Variants in ADGRE5 observed in about 807,000 individuals in gnomAD.
ADGRE5 encodes the protein CD97 molecule.
ADGRE5 carries 72 observed loss-of-function variants against 100.3 expected under a neutral mutation model. That is an observed-to-expected ratio of 0.72 (90% confidence interval 0.59 to 0.87). ADGRE5 has a LOEUF of 0.87. Ranked by LOEUF, ADGRE5 falls within the 40% of genes least tolerant of loss-of-function variation. The pLI, the probability that ADGRE5 is intolerant of heterozygous loss-of-function variation, is 0.00. For missense variants in ADGRE5, 959 were observed against 1,094.7 expected, an observed-to-expected ratio of 0.88 and a Z score of 1.75; for synonymous variants, 439 against 447.8, an observed-to-expected ratio of 0.98 and a Z score of 0.25.
chr19:14,383,783 C>T (rs1444723737), intron 1 of ADGRE5, among the ~76,000 whole-genome samples: 2 of 151,912 alleles, frequency 1.3e-5, no homozygotes, highest in Non-Finnish European at 1.5e-5. Flanking sequence ...GCCCTGTAGC[C>T]TCACGGTGGG....
At position 14,401,008 on chromosome 19, in the gene ADGRE5, C is replaced by T. The variant is rs555244670; in HGVS notation, c.898-378C>T. On this transcript the variant is annotated intron_variant, in intron 9 of 19. Coordinates refer to ENST00000242786, the MANE Select transcript of ADGRE5 (RefSeq NM_078481.4). This position sits in a 1 kb window ranked among gnomAD's most constrained non-coding sequence, Gnocchi z 4.1. ...GTGTGGTGGCACGCTTCTGTAGTCC[C>T]AGCTACTCAGAAAGCTGAGGTGGGA... Among the ~76,000 whole-genome samples, 24 of 152,066 alleles carry T rather than the reference C, an allele frequency of 1.6e-4. No individual in the cohort carries two copies. The East Asian group carries it at 3.7e-3, about 23-fold the overall frequency.
chr19:14,396,977 C>T, intron 5 of ADGRE5, 100 bp from the exon 6 acceptor site: 2 of 1,372,330 alleles, frequency 1.5e-6, no homozygotes, highest in African/African-American at 1.4e-5. Flanking sequence ...TAATGGTCTT[C>T]AGTCTGAGGC....
chr19:14,396,521 G>A lies in ADGRE5; in HGVS notation c.478+48G>A, dbSNP rs577500569. The A allele has an allele frequency of 2.4e-5, 39 of 1,611,302 alleles. 1 individual carries two copies. In the South Asian group the frequency reaches 3.3e-4, roughly 14 times the overall value. On this transcript the variant is annotated intron_variant, in intron 5 of 19. Transcript: ENST00000242786. ...GTGAGGCTGGACGGGAGCTGGGGAT[G>A]GAGCTGAGGCACGTCCTCCAAAGCA...
chr19:14,407,679 C>G (rs1328009301), intron 18 of ADGRE5, among the ~76,000 whole-genome samples: 1 of 151,098 alleles, frequency 6.6e-6, no homozygotes, highest in African/African-American at 2.4e-5. Flanking sequence ...ATACCCATCT[C>G]AGCTTCTCAG....
chr19:14,387,183 A>G (rs780210410), intron 1 of ADGRE5, among the ~76,000 whole-genome samples: 3 of 152,120 alleles, frequency 2.0e-5, no homozygotes, highest in African/African-American at 7.2e-5. Context: ...AGAGAGGCCC[A>G]CTGTCTGGGA....
chr19:14,396,980 T>C, intron 5 of ADGRE5, 97 bp from the exon 6 acceptor site: 5 of 1,390,070 alleles, frequency 3.6e-6, no homozygotes, highest in Non-Finnish European at 4.9e-6. Context: ...TGGTCTTCAG[T>C]CTGAGGCAAT....
rs757364423 is a variant in ADGRE5 at position 14,397,227 on chromosome 19, G to C, written c.625+4G>C. 6.2e-7 allele frequency: 1 copy of C among 1,613,822 alleles called. No individual in the cohort carries two copies. Among genetic ancestry groups the C allele is most frequent in the African/African-American group, 1.3e-5 (1 of 74,862 alleles). On this transcript the variant is annotated splice_donor_region_variant and intron_variant, in intron 6 of 19. Transcript: ENST00000242786. Reference sequence around the variant, plus strand: ...CCAAACAATACCGTCTGTGAAGGTCGAGAGCTCAGATCCCACGTTTCTAGC... The same window carrying C: ...CCAAACAATACCGTCTGTGAAGGTCCAGAGCTCAGATCCCACGTTTCTAGC...
intron 3 of ADGRE5, among the ~76,000 whole-genome samples, chr19:14,390,681 C>G (rs754980648): frequency 2.0e-5 from 3 of 152,154 alleles, no homozygotes; most frequent in Non-Finnish European, 4.4e-5. Context: ...AGCTTCCTGT[C>G]CATCCCTCAC....
chr19:14,408,161 A>G lies in ADGRE5; in HGVS notation c.*40A>G. ...GGACGGCCCAGCAGCTCCTGTGGCC[A>G]CAGCAGCTTTGTACACGAAGACCAT... On this transcript the variant is annotated 3_prime_UTR_variant, in exon 20 of 20. Coordinates refer to ENST00000242786, the MANE Select transcript of ADGRE5 (RefSeq NM_078481.4). 6.2e-7 allele frequency: 1 copy of G among 1,608,590 alleles called. No individual in the cohort carries two copies. Among genetic ancestry groups the G allele is most frequent in the Non-Finnish European group, 8.5e-7 (1 of 1,177,210 alleles).
chr19:14,385,262 T>G (rs1430843184), intron 1 of ADGRE5, among the ~76,000 whole-genome samples: 1 of 152,110 alleles, frequency 6.6e-6, no homozygotes, highest in Non-Finnish European at 1.5e-5. Context: ...TCCATCTGCC[T>G]CGGCCTCCCA....
rs113243506 is a variant in ADGRE5 at position 14,405,873 on chromosome 19, C to T, written c.1755C>T (p.His585=). The change falls in exon 14 of 20, where the codon CAC becomes CAT. Residue 585 remains histidine, a synonymous_variant. Coordinates refer to ENST00000242786, the MANE Select transcript of ADGRE5 (RefSeq NM_078481.4). The stretch of plus-strand genomic sequence containing the variant: ...GCTCGCGCACCACCATACACCTGCA[C>T]CTCTGCATCTGCCTCTTCGTGGGCT... ...IQGSRTTIHL[H]LCICLFVGST... 2.5e-4 allele frequency: 401 copies of T among 1,612,792 alleles called. 6 individuals are homozygous for T. The African/African-American group carries it at 4.4e-3, about 18-fold the overall frequency.
chr19:14,406,873 A>G lies in ADGRE5; in HGVS notation c.2120A>G (p.Asn707Ser), dbSNP rs1186495279. Reference protein sequence around the residue: ...LGPVTFIILCNAVIFVTTVWK... With the variant: ...LGPVTFIILCSAVIFVTTVWK... Reference sequence around the variant, plus strand: ...CACAATCTGCTCCCTGCCCAGTGCAATGCTGTCATTTTCGTGACTACCGTC... The same window carrying G: ...CACAATCTGCTCCCTGCCCAGTGCAGTGCTGTCATTTTCGTGACTACCGTC... Residue 707 changes from asparagine to serine, a missense_variant, in exon 17 of 20, where the codon AAT becomes AGT. Asn to Ser is a conservative substitution (Grantham distance 46). Around this residue, in one of 6 missense-constraint regions of ADGRE5, gnomAD observed 428 missense variants for 386.2 expected, o/e 1.11. Transcript: ENST00000242786. This position sits in a 1 kb window ranked among gnomAD's most constrained non-coding sequence, Gnocchi z 6.0. The G allele has an allele frequency of 6.2e-7, 1 of 1,614,096 alleles. No homozygotes were observed. The highest frequency in any genetic ancestry group is 8.5e-7 in the Non-Finnish European group (1 of 1,179,910).
chr19:14,399,742 TAA>T (rs201012165), intron 9 of ADGRE5, among the ~76,000 whole-genome samples: 78 of 140,616 alleles, frequency 5.5e-4, no homozygotes, highest in African/African-American at 1.8e-3. Flanking sequence ...GATTTTGTCT[TAA>T]AAAAAAAAAA....
rs1408927817 is a variant in ADGRE5, at chr19:14,404,387, T to A, written c.1454T>A (p.Val485Glu). ...EAGRDPPAKD[V>E]MPGPRQELLC... ...ACCACCCCCATCTGCCCACAGGACG[T>A]GATGCCTGGGCCACGGCAGGAGCTG... is the stretch of plus-strand genomic sequence containing the variant. The change falls in exon 13 of 20, where the codon GTG (valine) becomes GAG (glutamate). Residue 485 changes from valine (V) to glutamate (E), a missense_variant. Transcript: ENST00000242786. The A allele has an allele frequency of 6.2e-7, 1 of 1,608,494 alleles. No individual in the cohort carries two copies. The highest frequency in any genetic ancestry group is 8.5e-7 in the Non-Finnish European group (1 of 1,178,426).
intron 9 of ADGRE5, 111 bp downstream of exon 9, chr19:14,398,250 C>CA: frequency 3.3e-6 from 3 of 906,536 alleles, no homozygotes; most frequent in South Asian, 1.4e-5. Context: ...GTCAGAGACA[C>CA]ACATGCGCAT....
chr19:14,408,060 C>T (rs374788142), intron 19 of ADGRE5, 32 bp from the exon 20 acceptor site: 63 of 1,613,912 alleles, frequency 3.9e-5, no homozygotes, highest in African/African-American at 2.9e-4. Flanking sequence ...CCAGGGCTAG[C>T]GGGGCTCAGG....
intron 12 of ADGRE5, among the ~76,000 whole-genome samples, chr19:14,404,067 CG>C (rs1976119685): frequency 1.3e-5 from 2 of 151,464 alleles, no homozygotes; most frequent in Non-Finnish European, 2.9e-5. Context: ...TTAGTGGAGA[CG>C]GGGTTTCGCC....
chr19:14,389,491 A>G (rs67173128), intron 3 of ADGRE5, among the ~76,000 whole-genome samples: 79,340 of 146,452 alleles, frequency 0.54, 23,180 homozygotes, highest in African/African-American at 0.77. Flanking sequence ...CCAGCACTTC[A>G]GGAGGCCGAG....
intron 18 of ADGRE5, 73 bp downstream of exon 18, chr19:14,407,302 C>A: frequency 6.4e-7 from 1 of 1,553,406 alleles, no homozygotes; most frequent in Non-Finnish European, 8.8e-7. Context: ...GGGAGGATTG[C>A]TTGAGCCCAG....
Sources: gnomAD v4.1 joint callset for allele counts (sites outside exome capture counted in the v4.1 genomes callset) on GRCh38, gnomAD v4.1.1 for gene constraint, gnomAD v4.1.1 regional missense constraint, Gnocchi (gnomAD v3.1) non-coding constraint, MANE v1.5 for transcripts, NCBI Gene and HGNC (gene_info 2026-07-23, HGNC 2026-07-21) for gene names.